The following SDK2 variants were observed in gnomAD, a reference collection of about 807,000 sequenced individuals.
SDK2 encodes protein sidekick-2.
A neutral mutation model predicts 253.9 loss-of-function variants in SDK2; 105 were observed. The observed-to-expected ratio is 0.41, with a 90% CI of 0.35 to 0.49. SDK2 has a LOEUF of 0.49. Ranked by LOEUF, SDK2 falls within the 20% of genes least tolerant of loss-of-function variation. The pLI, the probability that SDK2 is intolerant of heterozygous loss-of-function variation, is 0.06. For synonymous variants in SDK2, 1,249 were observed against 1,234.9 expected (o/e 1.01, Z -0.24); for missense variants, 2,608 against 3,003.0 (o/e 0.87, Z 3.07).
chr17:73,615,417 C>T (rs980430279), intron 1 of SDK2, among the ~76,000 whole-genome samples: 2 of 152,232 alleles, frequency 1.3e-5, no homozygotes, highest in African/African-American at 4.8e-5. Context: ...GAGCTATATG[C>T]TCCTGAGCTG....
chr17:73,421,034 G>A (rs146901263), intron 15 of SDK2, among the ~76,000 whole-genome samples: 21 of 152,334 alleles, frequency 1.4e-4, no homozygotes, highest in African/African-American at 4.8e-4. Context: ...AGTGTGATGC[G>A]GTGCAGCCGC....
Position 73,644,196 on chromosome 17 carries a change from C to T in SDK2, c.-108G>A, listed in dbSNP as rs1048197564. On this transcript the variant is annotated 5_prime_UTR_variant, in exon 1 of 45. Coordinates refer to ENST00000392650, the MANE Select transcript of SDK2 (RefSeq NM_001144952.2). The surrounding 1 kb of genome is among the most constrained non-coding windows in gnomAD (Gnocchi z 6.3). The stretch of plus-strand genomic sequence containing the variant: ...GGCTTAGTCCCAGGAAACAGTCAGT[C>T]TACGCGGCTCCGTGCCCCGGGGTGT... The T allele has an allele frequency of 6.6e-6, 6 of 911,148 alleles. No individual in the cohort carries two copies. Among genetic ancestry groups the T allele is most frequent in the Non-Finnish European group, 1.0e-5 (6 of 581,660 alleles). The allele number at this position is 911,148 out of a possible 1,614,324, so 56.4% of individuals were successfully genotyped here.
chr17:73,603,364 G>C (rs2045866909), intron 1 of SDK2, among the ~76,000 whole-genome samples: 2 of 152,228 alleles, frequency 1.3e-5, no homozygotes. Context: ...GCCGGACTGA[G>C]AGGATTCATA....
rs1184184253 is a variant in SDK2 at position 73,401,986 on chromosome 17, C to T, written c.2640G>A (p.Gly880=). 4 of 1,613,268 alleles carry T rather than the reference C, an allele frequency of 2.5e-6. No homozygotes were observed. The highest frequency in any genetic ancestry group is 3.4e-6 in the Non-Finnish European group (4 of 1,179,646). The change falls in exon 19 of 45, where the codon GGG becomes GGA. Residue 880 remains glycine (G), a synonymous_variant. Coordinates refer to ENST00000392650, the MANE Select transcript of SDK2 (RefSeq NM_001144952.2). ...SVLCFTTPGD[G]PRSTPQLVRT... ...GCACCAGCTGCGGGGTGCTGCGTGGCCCGTCCCCGGGGGTGGTGAAACACA... is the reference window on the plus strand; with the variant it reads ...GCACCAGCTGCGGGGTGCTGCGTGGTCCGTCCCCGGGGGTGGTGAAACACA...
chr17:73,571,020 C>A (rs1000908011), intron 1 of SDK2, among the ~76,000 whole-genome samples: 8 of 151,788 alleles, frequency 5.3e-5, no homozygotes, highest in Non-Finnish European at 1.2e-4. Context: ...AGAGAACGAA[C>A]TCTGGGCCAG....
At chr17:73,396,182 C>G (rs979007800) in intron 24 of SDK2, among the ~76,000 whole-genome samples, 7 of 152,330 alleles carry the variant, frequency 4.6e-5, no homozygotes, top group Middle Eastern at 3.4e-3. Context: ...CAGCCTCCTC[C>G]TTCTTGTTTG....
At chr17:73,588,139 G>A (rs1312309924) in intron 1 of SDK2, among the ~76,000 whole-genome samples, 1 of 151,788 alleles carries the variant, frequency 6.6e-6, no homozygotes, top group African/African-American at 2.4e-5. Flanking sequence ...TTGGGAGGCC[G>A]AGCCTGGTGG....
intron 36 of SDK2, among the ~76,000 whole-genome samples, chr17:73,377,242 A>C (rs1192838684): frequency 6.8e-6 from 1 of 146,024 alleles, no homozygotes; most frequent in African/African-American, 2.6e-5. Context: ...TTTTGGAGAC[A>C]GAGTCTTGCT....
At chr17:73,515,336 G>T (rs988247221) in intron 1 of SDK2, among the ~76,000 whole-genome samples, 3 of 152,172 alleles carry the variant, frequency 2.0e-5, no homozygotes, top group African/African-American at 7.2e-5. Context: ...GAGGTTGGTG[G>T]CCTCTCTCAG....
At chr17:73,350,504 G>T (rs1599472693) in intron 42 of SDK2, 129 bp from the exon 43 acceptor site, 3 of 1,426,760 alleles carry the variant, frequency 2.1e-6, no homozygotes, top group East Asian at 4.8e-5. Context: ...GATTGAGATT[G>T]TGTGTAGAAA....
intron 18 of SDK2, among the ~76,000 whole-genome samples, chr17:73,412,930 C>T (rs2063151648): frequency 1.3e-5 from 2 of 152,120 alleles, no homozygotes; most frequent in African/African-American, 2.4e-5. Flanking sequence ...AGAGAGGCCT[C>T]AGAGGAAACC....
intron 1 of SDK2, among the ~76,000 whole-genome samples, chr17:73,542,416 T>G (rs1303684830): frequency 6.6e-6 from 1 of 152,102 alleles, no homozygotes; most frequent in Non-Finnish European, 1.5e-5. Context: ...TGGGTGCCTG[T>G]TGGTGGAGGG....
In SDK2 at chr17:73,399,249, G is replaced by C; in HGVS notation, c.3012C>G (p.Ile1004Met). 6.2e-7 allele frequency: 1 copy of C among 1,613,768 alleles called. No individual in the cohort carries two copies. Among genetic ancestry groups the C allele is most frequent in the Non-Finnish European group, 8.5e-7 (1 of 1,179,730 alleles). Residue 1004 changes from isoleucine (I) to methionine (M), a missense_variant, in exon 22 of 45, where the codon ATC becomes ATG. Physicochemically the swap from Ile to Met is conservative, Grantham distance 10. This residue lies in a region of SDK2 where 1,505 missense variants were observed against 1,859.1 expected (regional missense o/e 0.81). Coordinates refer to ENST00000392650, the MANE Select transcript of SDK2 (RefSeq NM_001144952.2). ...GPPTNLGISN[I>M]GPRSVTLQFR... Reference sequence around the variant, plus strand: ...ACTGCAAGGTCACAGAGCGGGGGCCGATGTTGGAAATGCCCAGGTTGGTGG... The same window carrying C: ...ACTGCAAGGTCACAGAGCGGGGGCCCATGTTGGAAATGCCCAGGTTGGTGG...
At chr17:73,567,615 G>A (rs576897524) in intron 1 of SDK2, among the ~76,000 whole-genome samples, 99 of 152,386 alleles carry the variant, frequency 6.5e-4, no homozygotes, top group African/African-American at 2.2e-3. Flanking sequence ...CAGGGGGGCT[G>A]TGCCTTACAA....
rs2045982440 is a variant in SDK2 at position 73,612,151 on chromosome 17, C to T, written c.64+31874G>A. Among the ~76,000 whole-genome samples the T allele has an allele frequency of 6.6e-6, 1 of 152,188 alleles. No individual in the cohort carries two copies. The highest frequency in any genetic ancestry group is 1.5e-5 in the Non-Finnish European group (1 of 68,038). ...GAAAATAAACAGCAATTCCTTTCAC[C>T]CCCGCTGCAGCCTCTTCAAGCGAGG... On this transcript the variant is annotated intron_variant, in intron 1 of 44. Transcript: ENST00000392650. The surrounding 1 kb of genome is among the most constrained non-coding windows in gnomAD (Gnocchi z 4.4).
At position 73,644,208 on chromosome 17, in the gene SDK2, G is replaced by C. The variant is rs567814616; in HGVS notation, c.-120C>G. On this transcript the variant is annotated 5_prime_UTR_variant, in exon 1 of 45. Coordinates refer to ENST00000392650, the MANE Select transcript of SDK2 (RefSeq NM_001144952.2). The surrounding 1 kb of genome is among the most constrained non-coding windows in gnomAD (Gnocchi z 6.3). ...GGAAACAGTCAGTCTACGCGGCTCC[G>C]TGCCCCGGGGTGTAATATGCCCGGG... is the stretch of plus-strand genomic sequence containing the variant. The C allele has an allele frequency of 3.3e-5, 26 of 783,790 alleles. No homozygotes were observed. The South Asian group carries it at 4.1e-4, about 12-fold the overall frequency. 48.6% of individuals were successfully genotyped at this position (783,790 alleles called of 1,614,324 possible).
At chr17:73,468,112 G>A (rs1262387612) in intron 3 of SDK2, among the ~76,000 whole-genome samples, 1 of 152,220 alleles carries the variant, frequency 6.6e-6, no homozygotes, top group African/African-American at 2.4e-5. Context: ...GAATCCTACT[G>A]TGAGAGGTAG....
At chr17:73,446,596 G>C (rs755611150) in intron 5 of SDK2, among the ~76,000 whole-genome samples, 7 of 152,200 alleles carry the variant, frequency 4.6e-5, no homozygotes, top group Non-Finnish European at 7.4e-5. Context: ...GCTAGGATCA[G>C]AATAAGAGCA....
Position 73,440,818 on chromosome 17 carries a change from T to C in SDK2, c.719A>G (p.Asn240Ser), listed in dbSNP as rs1567774779. Residue 240 changes from asparagine (N) to serine (S), a missense_variant, in exon 6 of 45, where the codon AAT (asparagine) becomes AGT (serine). Around this residue, in one of 2 missense-constraint regions of SDK2, gnomAD observed 1,505 missense variants for 1,859.1 expected, o/e 0.81. Transcript: ENST00000392650. ...GGGAAGATGCACTACCTACCTGGCA[T>C]TGGCCACACACTCCAAGGTAACCTC... is the stretch of plus-strand genomic sequence containing the variant. The part of the protein sequence containing the change: ...TSEVTLECVA[N>S]ARPLIKLHII... The C allele has an allele frequency of 1.3e-6, 2 of 1,550,334 alleles. No individual in the cohort carries two copies. The highest frequency in any genetic ancestry group is 1.4e-5 in the African/African-American group (1 of 73,016).
Sources: gnomAD v4.1 joint callset for allele counts (sites outside exome capture counted in the v4.1 genomes callset) on GRCh38, gnomAD v4.1.1 for gene constraint, gnomAD v4.1.1 regional missense constraint, Gnocchi (gnomAD v3.1) non-coding constraint, MANE v1.5 for transcripts, NCBI Gene and HGNC (gene_info 2026-07-23, HGNC 2026-07-21) for gene names.